Variants in DCBLD2 observed in about 807,000 individuals in gnomAD.
DCBLD2 encodes discoidin, CUB and LCCL domain-containing protein 2.
DCBLD2 carries 54 observed loss-of-function variants against 86.8 expected under a neutral mutation model. The ratio of observed to expected loss-of-function variants is 0.62; its 90% confidence interval spans 0.50 to 0.78. The LOEUF (loss-of-function observed/expected upper bound fraction) is 0.78, where lower values mean the gene tolerates loss of function less well. Among genes scored for constraint, DCBLD2 ranks in the 30% least tolerant of loss-of-function variants. The probability of loss-of-function intolerance (pLI) is 0.00; values close to 1 mark genes in which losing one functional copy is unlikely to be tolerated. For missense variants in DCBLD2, 908 were observed against 954.2 expected (o/e 0.95, Z 0.64); for synonymous variants, 354 against 341.3 (o/e 1.04, Z -0.41).
intron 3 of DCBLD2, among the ~76,000 whole-genome samples, chr3:98,837,346 T>C (rs1942486421): frequency 2.4e-4 from 1 of 4,178 alleles, no homozygotes; most frequent in Admixed American, 3.5e-3. Flanking sequence ...GCAGAGGGGC[T>C]CCTCACTTCC....
At chr3:98,812,182 C>A in intron 10 of DCBLD2, 150 bp downstream of exon 10, 1 of 1,080,718 alleles carries the variant, frequency 9.3e-7, no homozygotes, top group Non-Finnish European at 1.3e-6. Flanking sequence ...ATAGGGTAAC[C>A]ATTTTTTTTA....
At chr3:98,875,429 G>GA (rs200276950) in intron 2 of DCBLD2, among the ~76,000 whole-genome samples, 257 of 150,194 alleles carry the variant, frequency 1.7e-3, no homozygotes, top group Admixed American at 6.6e-3. Flanking sequence ...GAAGAAAGGA[G>GA]AAAAAAAAAG....
intron 3 of DCBLD2, among the ~76,000 whole-genome samples, chr3:98,844,431 C>T (rs1942682607): frequency 1.3e-5 from 2 of 151,440 alleles, no homozygotes; most frequent in South Asian, 4.2e-4. Context: ...AGTCTTGGCT[C>T]ACTGCAACCT....
At chr3:98,880,553 C>A (rs943399552) in intron 2 of DCBLD2, among the ~76,000 whole-genome samples, 2 of 152,162 alleles carry the variant, frequency 1.3e-5, no homozygotes, top group Non-Finnish European at 2.9e-5. Flanking sequence ...AATTCTGATT[C>A]AACTGGTCTA....
At chr3:98,818,198 A>C (rs1398036267) in intron 8 of DCBLD2, among the ~76,000 whole-genome samples, 1 of 152,240 alleles carries the variant, frequency 6.6e-6, no homozygotes, top group Non-Finnish European at 1.5e-5. Context: ...GGGAATGAAC[A>C]GATTAAAGAT....
intron 1 of DCBLD2, among the ~76,000 whole-genome samples, chr3:98,885,387 G>A (rs1304333170): frequency 6.6e-6 from 1 of 151,240 alleles, no homozygotes; most frequent in Non-Finnish European, 1.5e-5. Flanking sequence ...GAATACTCCA[G>A]TTCAAAAGGG....
chr3:98,826,181 AAAC>A (rs912336762), intron 3 of DCBLD2, among the ~76,000 whole-genome samples: 1 of 152,204 alleles, frequency 6.6e-6, no homozygotes, highest in Non-Finnish European at 1.5e-5. Flanking sequence ...AAAGCAAAAA[AAAC>A]AAAACAAAAC....
At chr3:98,847,643 A>G (rs1263842732) in intron 3 of DCBLD2, among the ~76,000 whole-genome samples, 2 of 152,298 alleles carry the variant, frequency 1.3e-5, no homozygotes, top group South Asian at 2.1e-4. Context: ...GCTTTCCCCT[A>G]TAATTCCCAG....
chr3:98,844,535 A>C (rs1001879514), intron 3 of DCBLD2, among the ~76,000 whole-genome samples: 1 of 151,834 alleles, frequency 6.6e-6, no homozygotes, highest in Non-Finnish European at 1.5e-5. Flanking sequence ...CTAATTTTTT[A>C]TATTTTTAGT....
intron 3 of DCBLD2, among the ~76,000 whole-genome samples, chr3:98,826,156 G>C (rs1942216262): frequency 7.6e-6 from 1 of 131,030 alleles, no homozygotes. Flanking sequence ...GTAAAAAGTG[G>C]CTTTGGTTAA....
At chr3:98,822,175 C>A in intron 6 of DCBLD2, 53 bp downstream of exon 6, 2 of 1,599,384 alleles carry the variant, frequency 1.3e-6, no homozygotes, top group South Asian at 2.2e-5. Context: ...CCAGTGCTAC[C>A]CAGAATGCTA....
chr3:98,822,670 T>A lies in DCBLD2; in HGVS notation c.695A>T (p.Asp232Val). Residue 232 changes from aspartate (D) to valine (V), a missense_variant and splice_region_variant, in exon 5 of 16, where the codon GAT becomes GTT. Asp to Val is a radical substitution (Grantham distance 152). This residue lies in a region of DCBLD2 where 606 missense variants were observed against 678.5 expected (regional missense o/e 0.89). Transcript: ENST00000326840. ...CAAATAAGTTTATATCTGGCTTACA[T>A]CTCTATATCCATGAGGAATTGTTCC... ...ISGTIPHGYRDSSPLCMAGVH... is the reference protein window; with the variant it reads ...ISGTIPHGYRVSSPLCMAGVH... 2 of 1,583,168 alleles carry A rather than the reference T, an allele frequency of 1.3e-6. No homozygotes were observed. Among genetic ancestry groups the A allele is most frequent in the Non-Finnish European group, 1.7e-6 (2 of 1,164,342 alleles).
chr3:98,847,719 G>A (rs534057711), intron 3 of DCBLD2, among the ~76,000 whole-genome samples: 3 of 152,246 alleles, frequency 2.0e-5, no homozygotes, highest in African/African-American at 7.2e-5. Flanking sequence ...TGAAGTAAAA[G>A]CCAATTTAAA....
chr3:98,803,325 T>C (rs1941764978), intron 13 of DCBLD2, among the ~76,000 whole-genome samples: 1 of 152,194 alleles, frequency 6.6e-6, no homozygotes, highest in South Asian at 2.1e-4. Context: ...GAATGGGAGT[T>C]CACTCATGAT....
chr3:98,800,836 T>C (rs1941705626), intron 14 of DCBLD2, 120 bp from the exon 15 acceptor site: 1 of 1,429,718 alleles, frequency 7.0e-7, no homozygotes, highest in Non-Finnish European at 9.5e-7. Context: ...CTCTACAAAC[T>C]TGCCTTTATA....
rs1559772348 is a variant in DCBLD2, at chr3:98,817,845, GAC to G, written c.1134_1135del (p.Ser379CysfsTer8). On this transcript the variant is annotated frameshift_variant, in exon 9 of 16. Transcript: ENST00000326840. LOFTEE classifies it high-confidence loss of function. ...ATCACTGTACAGGATTCTGTAGGCA[GAC>G]ACATAGTAATTGTGCTCCACCATGG... 3.1e-6 allele frequency: 5 copies of G among 1,613,716 alleles called. No individual in the cohort carries two copies. Among genetic ancestry groups the G allele is most frequent in the Non-Finnish European group, 4.2e-6 (5 of 1,179,744 alleles).
chr3:98,866,611 TTGTC>T (rs1461064285), intron 2 of DCBLD2, among the ~76,000 whole-genome samples: 8 of 152,228 alleles, frequency 5.3e-5, no homozygotes, highest in African/African-American at 1.9e-4. Flanking sequence ...TATTAGCCCT[TTGTC>T]TGATGAGTAG....
At chr3:98,889,620 A>G (rs1368480961) in intron 1 of DCBLD2, among the ~76,000 whole-genome samples, 1 of 152,012 alleles carries the variant, frequency 6.6e-6, no homozygotes, top group Non-Finnish European at 1.5e-5. Flanking sequence ...TGAAAAAATA[A>G]CCTATAGGTA....
chr3:98,881,602 T>C lies in DCBLD2; in HGVS notation c.371A>G (p.Asp124Gly), dbSNP rs1559798511. 1 of 1,613,924 alleles carries C rather than the reference T, an allele frequency of 6.2e-7. No individual in the cohort carries two copies. Among genetic ancestry groups the C allele is most frequent in the Non-Finnish European group, 8.5e-7 (1 of 1,179,874 alleles). Residue 124 changes from aspartate (D) to glycine (G), a missense_variant, in exon 2 of 16, where the codon GAT becomes GGT. This residue lies in a region of DCBLD2 where 294 missense variants were observed against 256.0 expected (regional missense o/e 1.15). Coordinates refer to ENST00000326840, the MANE Select transcript of DCBLD2 (RefSeq NM_080927.4). ...TCTCAAGTAATTAAAGTGACAAGAA[T>C]CAGAATCTTCAATGTCAAAGTCACC... is the stretch of plus-strand genomic sequence containing the variant. ...KFGDFDIEDS[D>G]SCHFNYLRIY... is the part of the protein sequence containing the mutation.
Sources: gnomAD v4.1 joint callset for allele counts (sites outside exome capture counted in the v4.1 genomes callset) on GRCh38, gnomAD v4.1.1 for gene constraint, gnomAD v4.1.1 regional missense constraint, MANE v1.5 for transcripts, NCBI Gene and HGNC (gene_info 2026-07-23, HGNC 2026-07-21) for gene names.